Variants in GSTA2 observed in about 807,000 individuals in gnomAD.
GSTA2 encodes glutathione S-transferase A2.
GSTA2 carries 27 observed loss-of-function variants against 22.4 expected under a neutral mutation model. The observed-to-expected ratio is 1.21, with a 90% CI of 0.89 to 1.67. GSTA2 has a LOEUF of 1.67. Ranked by LOEUF, GSTA2 falls within the 40% of genes most tolerant of loss-of-function variation. The pLI is 0.00. For synonymous variants in GSTA2, 121 were observed against 86.8 expected (o/e 1.39, Z -2.19); for missense variants, 302 against 260.2 (o/e 1.16, Z -1.11).
intron 2 of GSTA2, among the ~76,000 whole-genome samples, chr6:52,756,806 A>G (rs2180319): frequency 0.79 from 119,861 of 152,248 alleles, 48,261 homozygotes; most frequent in East Asian, 1. Flanking sequence ...ATAGGTCGCC[A>G]CTGTTGCACA....
At chr6:52,755,215 CTTTT>C (rs10626189) in intron 3 of GSTA2, 140 bp from the exon 4 acceptor site, 244 of 708,576 alleles carry the variant, frequency 3.4e-4, no homozygotes, top group Non-Finnish European at 4.2e-4. Flanking sequence ...CTTGAAACAA[CTTTT>C]TTTTTTTTTT....
At chr6:52,752,498 T>C (rs2127285246) in intron 5 of GSTA2, among the ~76,000 whole-genome samples, 1 of 152,320 alleles carries the variant, frequency 6.6e-6, no homozygotes, top group Middle Eastern at 3.4e-3. Flanking sequence ...TGGATCACTT[T>C]CATCATGCCC....
At chr6:52,759,262 G>T (rs1352464965) in intron 1 of GSTA2, among the ~76,000 whole-genome samples, 1 of 152,198 alleles carries the variant, frequency 6.6e-6, no homozygotes. Context: ...GGGCTTATCA[G>T]TGAAATTTGA....
chr6:52,752,084 C>A (rs1185449639), intron 5 of GSTA2, among the ~76,000 whole-genome samples: 1 of 152,140 alleles, frequency 6.6e-6, no homozygotes, highest in East Asian at 1.9e-4. Flanking sequence ...TGCTGTCTCC[C>A]GCTCCAATCT....
chr6:52,756,176 A>G, intron 3 of GSTA2, 82 bp downstream of exon 3: 1 of 891,554 alleles, frequency 1.1e-6, no homozygotes, highest in Non-Finnish European at 1.9e-6. Flanking sequence ...CCCCACACCC[A>G]TAGACATTGC....
At chr6:52,753,139 C>A in intron 4 of GSTA2, 144 bp from the exon 5 acceptor site, 1 of 701,514 alleles carries the variant, frequency 1.4e-6, no homozygotes, top group East Asian at 2.8e-5. Flanking sequence ...TCATTATGCT[C>A]TGAGTTTTAC....
chr6:52,753,862 G>T (rs771512935), intron 4 of GSTA2, among the ~76,000 whole-genome samples: 1 of 152,166 alleles, frequency 6.6e-6, no homozygotes, highest in Non-Finnish European at 1.5e-5. Flanking sequence ...ACCATTAGCG[G>T]TATTCTTCAT....
intron 1 of GSTA2, among the ~76,000 whole-genome samples, chr6:52,760,971 G>C (rs1474592137): frequency 6.6e-6 from 1 of 152,094 alleles, no homozygotes; most frequent in East Asian, 1.9e-4. Flanking sequence ...TAAATTAAAG[G>C]AGTTACGTCT....
intron 4 of GSTA2, among the ~76,000 whole-genome samples, chr6:52,753,368 T>G (rs554585863): frequency 6.6e-6 from 1 of 152,206 alleles, no homozygotes; most frequent in Non-Finnish European, 1.5e-5. Context: ...TGGTTTGTTC[T>G]GTGCATGAAC....
At chr6:52,762,002 A>C (rs918151131) in intron 1 of GSTA2, among the ~76,000 whole-genome samples, 4 of 151,424 alleles carry the variant, frequency 2.6e-5, no homozygotes, top group Non-Finnish European at 4.4e-5. Context: ...GTGTGGACTC[A>C]AGGTTTAATG....
chr6:52,757,000 C>T (rs1171049335), intron 2 of GSTA2, among the ~76,000 whole-genome samples: 5 of 141,370 alleles, frequency 3.5e-5, no homozygotes, highest in Non-Finnish European at 1.5e-5. Flanking sequence ...CTCCTCCCCT[C>T]ATTTTAACCA....
chr6:52,763,216 C>A (rs1354334705), intron 1 of GSTA2, among the ~76,000 whole-genome samples: 1 of 152,118 alleles, frequency 6.6e-6, no homozygotes, highest in African/African-American at 2.4e-5. Flanking sequence ...CCTTTAAATG[C>A]TGAGGCCCTG....
intron 2 of GSTA2, among the ~76,000 whole-genome samples, chr6:52,757,552 A>G (rs1325408861): frequency 2.0e-5 from 3 of 152,100 alleles, no homozygotes; most frequent in Admixed American, 6.5e-5. Context: ...CAAATATTCA[A>G]TCGATATTTG....
At chr6:52,757,777 G>A in intron 2 of GSTA2, 84 bp downstream of exon 2, 1 of 1,141,838 alleles carries the variant, frequency 8.8e-7, no homozygotes, top group South Asian at 1.2e-5. Context: ...GCTTCAGTTA[G>A]TAATCATCTC....
At chr6:52,752,745 C>G in intron 5 of GSTA2, 109 bp downstream of exon 5, 1 of 1,392,136 alleles carries the variant, frequency 7.2e-7, no homozygotes. Flanking sequence ...GCATTGGTGT[C>G]CAGGAAGTAT....
At position 52,752,930 on chromosome 6, in the gene GSTA2, T is replaced by G; in HGVS notation, c.338A>C (p.Gln113Pro). The G allele has an allele frequency of 6.2e-7, 1 of 1,614,028 alleles. No individual in the cohort carries two copies. Among genetic ancestry groups the G allele is most frequent in the Non-Finnish European group, 8.5e-7 (1 of 1,179,902 alleles). The change falls in exon 5 of 7, where the codon CAA becomes CCA. Residue 113 changes from glutamine to proline, a missense_variant. Physicochemically the swap from Gln to Pro is moderately conservative, Grantham distance 76. Coordinates refer to ENST00000493422, the MANE Select transcript of GSTA2 (RefSeq NM_000846.5). ...GEMILLLPFS[Q>P]PEEQDAKLAL... ...AAGCTTGGCATCTTGTTCCTCAGGT[T>G]GACTAAAGGGCAGAAGAAGGATCAT...
intron 5 of GSTA2, among the ~76,000 whole-genome samples, 174 bp downstream of exon 5, chr6:52,752,680 A>C (rs572683431): frequency 3.3e-5 from 5 of 152,232 alleles, no homozygotes; most frequent in Non-Finnish European, 7.3e-5. Flanking sequence ...GGTATAAGTG[A>C]TACAATTGTT....
At chr6:52,756,150 A>G (rs1393991717) in intron 3 of GSTA2, 108 bp downstream of exon 3, 4 of 713,486 alleles carry the variant, frequency 5.6e-6, no homozygotes, top group Admixed American at 4.2e-5. Context: ...CCTCTGCACC[A>G]TGTACAAATA....
intron 1 of GSTA2, among the ~76,000 whole-genome samples, chr6:52,759,284 C>G (rs535252431): frequency 6.6e-6 from 1 of 152,240 alleles, no homozygotes; most frequent in East Asian, 1.9e-4. Flanking sequence ...AGCCCTTGCT[C>G]TATGCCAGGC....
Sources: gnomAD v4.1 joint callset for allele counts (sites outside exome capture counted in the v4.1 genomes callset) on GRCh38, gnomAD v4.1.1 for gene constraint, MANE v1.5 for transcripts, NCBI Gene and HGNC (gene_info 2026-07-23, HGNC 2026-07-21) for gene names.